GAB1: variants seen among roughly 807,000 people sequenced by gnomAD.
GAB1 encodes the protein GRB2-associated-binding protein 1.
Under a neutral mutation model 66.5 loss-of-function variants are expected in GAB1, and 19 were observed. That is an observed-to-expected ratio of 0.29 (90% confidence interval 0.20 to 0.42). The LOEUF is 0.42. Ranked by LOEUF, GAB1 falls within the 10% of genes least tolerant of loss-of-function variation. GAB1 has a pLI of 1.00. For synonymous variants in GAB1, 294 were observed against 301.4 expected (o/e 0.98, Z 0.25); for missense variants, 732 against 858.5 (o/e 0.85, Z 1.84).
At chr4:143,425,180 T>C in intron 2 of GAB1, 1 of 826,644 alleles carries the variant, frequency 1.2e-6, no homozygotes. Flanking sequence ...GGAAAAGTGA[T>C]GGCATCTACA....
At chr4:143,446,834 A>G (rs1261790562) in intron 6 of GAB1, among the ~76,000 whole-genome samples, 15 of 150,542 alleles carry the variant, frequency 1.0e-4, no homozygotes, top group African/African-American at 3.6e-4. Flanking sequence ...TTTTGTTGCC[A>G]TTGCTTTTGG....
chr4:143,363,373 G>A (rs13107986), intron 1 of GAB1, among the ~76,000 whole-genome samples: 4,596 of 152,282 alleles, frequency 0.03, 78 homozygotes, highest in South Asian at 0.06. Flanking sequence ...CATTGGTGAG[G>A]TGGTCCTGGG....
rs781626697 is a variant in GAB1, at chr4:143,442,990, T to A, written c.1585+2608T>A. ...TGAAGTCATAGTATTCAAAAAAAAT[T>A]TACTTTTCTTTAGTACTATTTTACT... is the stretch of plus-strand genomic sequence containing the variant. On this transcript the variant is annotated intron_variant, in intron 6 of 9. Transcript: ENST00000262994. 2.2e-4 allele frequency among the ~76,000 whole-genome samples: 34 copies of A among 151,824 alleles called. No homozygotes were observed. In the Middle Eastern group the frequency reaches 0.014, roughly 61 times the overall value.
At chr4:143,341,451 G>A (rs909362150) in intron 1 of GAB1, among the ~76,000 whole-genome samples, 5 of 152,218 alleles carry the variant, frequency 3.3e-5, no homozygotes, top group African/African-American at 1.2e-4. Context: ...GAGCTTCCTT[G>A]CCTGAAGCCC....
intron 1 of GAB1, chr4:143,395,899 C>T (rs1027117073): frequency 3.1e-5 from 14 of 455,288 alleles, no homozygotes; most frequent in Non-Finnish European, 4.4e-5. Context: ...CCCCCGCCCC[C>T]GGGAGAGCAG....
intron 9 of GAB1, 118 bp downstream of exon 9, chr4:143,466,343 TCTG>T: frequency 2.1e-6 from 2 of 958,012 alleles, no homozygotes; most frequent in Non-Finnish European, 3.0e-6. Context: ...TTTAGTCTGG[TCTG>T]CTACTTGATG....
chr4:143,360,175 C>G (rs1031682888), intron 1 of GAB1, among the ~76,000 whole-genome samples: 9 of 151,706 alleles, frequency 5.9e-5, no homozygotes, highest in Non-Finnish European at 1.2e-4. Context: ...TAAGTAGATT[C>G]ACCACTCTGT....
At chr4:143,344,620 C>T (rs781030744) in intron 1 of GAB1, among the ~76,000 whole-genome samples, 8 of 152,116 alleles carry the variant, frequency 5.3e-5, no homozygotes, top group Non-Finnish European at 1.2e-4. Context: ...CTAGGCTCTT[C>T]CGTTGCCAGT....
Position 143,373,868 on chromosome 4 carries a change from A to AATAAATAAATAAATATATATATATAT in GAB1, c.72+36611_72+36612insAATAAATAAATATATATATATATATA. On this transcript the variant is annotated intron_variant, in intron 1 of 9. Transcript: ENST00000262994. ...CTCTCTCTCTCTCTGTAAATAAATA[A>AATAAATAAATAAATATATATATATAT]ATATATATATATATATATTTTTACC... is the stretch of plus-strand genomic sequence containing the variant. Among the ~76,000 whole-genome samples the AATAAATAAATAAATATATATATATAT allele has an allele frequency of 3.5e-3, 326 of 93,650 alleles. 8 individuals are homozygous for AATAAATAAATAAATATATATATATAT. The highest frequency in any genetic ancestry group is 9.5e-3 in the African/African-American group (204 of 21,578). 61.4% of individuals were successfully genotyped at this position (93,650 alleles called of 152,430 possible).
chr4:143,411,625 T>A (rs1193811489), intron 1 of GAB1, among the ~76,000 whole-genome samples: 1 of 152,222 alleles, frequency 6.6e-6, no homozygotes, highest in Non-Finnish European at 1.5e-5. Flanking sequence ...TAGGACAAAC[T>A]TTAAGAATCT....
At chr4:143,413,986 T>C (rs1213134881) in intron 1 of GAB1, among the ~76,000 whole-genome samples, 1 of 151,778 alleles carries the variant, frequency 6.6e-6, no homozygotes, top group South Asian at 2.1e-4. Context: ...CACACCCAGC[T>C]AATTTTTGTA....
intron 1 of GAB1, among the ~76,000 whole-genome samples, chr4:143,364,629 A>G (rs1341646896): frequency 6.6e-6 from 1 of 152,252 alleles, no homozygotes; most frequent in Non-Finnish European, 1.5e-5. Context: ...TTCCTGACAT[A>G]GGTGCAGCCT....
intron 6 of GAB1, among the ~76,000 whole-genome samples, chr4:143,449,247 T>TG (rs1553955220): frequency 1.2e-4 from 18 of 151,058 alleles, no homozygotes. Flanking sequence ...GGTGTGGTGC[T>TG]GAAAAAAAAG....
chr4:143,413,781 C>G (rs1166541108), intron 1 of GAB1, among the ~76,000 whole-genome samples: 1 of 148,204 alleles, frequency 6.7e-6, no homozygotes, highest in Non-Finnish European at 1.5e-5. Context: ...TGGGGGTTTT[C>G]GAGTCCTTCC....
chr4:143,449,243 G>C (rs956052278), intron 6 of GAB1, among the ~76,000 whole-genome samples: 1 of 151,338 alleles, frequency 6.6e-6, no homozygotes. Flanking sequence ...GTGTGGTGTG[G>C]TGCTGAAAAA....
At chr4:143,451,113 A>G (rs1391978768) in intron 6 of GAB1, among the ~76,000 whole-genome samples, 2 of 152,146 alleles carry the variant, frequency 1.3e-5, no homozygotes, top group African/African-American at 2.4e-5. Flanking sequence ...AAGTAAACAC[A>G]TTATCATAAT....
chr4:143,347,414 C>G (rs771585417), intron 1 of GAB1, among the ~76,000 whole-genome samples: 1 of 152,200 alleles, frequency 6.6e-6, no homozygotes, highest in Non-Finnish European at 1.5e-5. Context: ...TTACACATAT[C>G]TCCTTCTCCA....
At chr4:143,401,028 A>G (rs1399035034) in intron 1 of GAB1, among the ~76,000 whole-genome samples, 1 of 151,914 alleles carries the variant, frequency 6.6e-6, no homozygotes, top group African/African-American at 2.4e-5. Context: ...AACAAAATAC[A>G]GAACGGTGTT....
In GAB1 at chr4:143,396,301, G is replaced by T. The variant is rs1033721879; in HGVS notation, c.73-19176G>T. ...TTTAAGCTCTTTAACTCACCCTTTG[G>T]AGTGAAAAACAATAGAAAGTTAAGC... is the stretch of plus-strand genomic sequence containing the variant. On this transcript the variant is annotated intron_variant, in intron 1 of 9. Transcript: ENST00000262994. Among the ~76,000 whole-genome samples, 3 of 152,146 alleles carry T rather than the reference G, an allele frequency of 2.0e-5. No individual in the cohort carries two copies. In the South Asian group the frequency reaches 6.2e-4, roughly 32 times the overall value.
Sources: gnomAD v4.1 joint callset for allele counts (sites outside exome capture counted in the v4.1 genomes callset) on GRCh38, gnomAD v4.1.1 for gene constraint, MANE v1.5 for transcripts, NCBI Gene and HGNC (gene_info 2026-07-23, HGNC 2026-07-21) for gene names.